The following UNC13C variants were observed in gnomAD, a reference collection of about 807,000 sequenced individuals.
UNC13C encodes unc-13 homolog C.
UNC13C carries 174 observed loss-of-function variants against 245.4 expected under a neutral mutation model. The ratio of observed to expected loss-of-function variants is 0.71; its 90% CI spans 0.63 to 0.80. The LOEUF (loss-of-function observed/expected upper bound fraction) is 0.80, where lower values mean the gene tolerates loss of function less well. Among genes scored for constraint, UNC13C ranks in the 30% least tolerant of loss-of-function variants. UNC13C has a pLI of 0.00. For synonymous variants in UNC13C, 992 were observed against 895.1 expected, an observed-to-expected ratio of 1.11 and a Z score of -1.93; for missense variants, 2,829 against 2,602.9, an observed-to-expected ratio of 1.09 and a Z score of -1.89.
chr15:54,293,866 G>T (rs765629944), intron 10 of UNC13C, 29 bp from the exon 11 acceptor site: 1 of 1,495,476 alleles, frequency 6.7e-7, no homozygotes, highest in Non-Finnish European at 8.9e-7. Context: ...GTTTTCAATT[G>T]TTGTTAACTT....
At chr15:54,445,366 G>A (rs1254593825) in intron 19 of UNC13C, among the ~76,000 whole-genome samples, 3 of 149,874 alleles carry the variant, frequency 2.0e-5, no homozygotes, top group Non-Finnish European at 3.0e-5. Flanking sequence ...GTATTTCTAG[G>A]GAATGGGCAC....
chr15:54,103,494 T>G (rs1900271727), intron 2 of UNC13C, among the ~76,000 whole-genome samples: 1 of 152,244 alleles, frequency 6.6e-6, no homozygotes, highest in Non-Finnish European at 1.5e-5. Context: ...TTAACTTTTC[T>G]GAAAACACAA....
chr15:54,305,761 C>G (rs146773870), intron 13 of UNC13C, among the ~76,000 whole-genome samples: 1 of 151,986 alleles, frequency 6.6e-6, no homozygotes, highest in Non-Finnish European at 1.5e-5. Flanking sequence ...GAAATGCTGT[C>G]TTTTCTCTAT....
intron 4 of UNC13C, among the ~76,000 whole-genome samples, chr15:54,221,826 G>C (rs892728275): frequency 1.3e-5 from 2 of 152,094 alleles, no homozygotes; most frequent in Non-Finnish European, 2.9e-5. Context: ...AAAATAGCCA[G>C]TCTGTGAATA....
chr15:54,153,048 C>T (rs1457699912), intron 4 of UNC13C, among the ~76,000 whole-genome samples: 5 of 151,986 alleles, frequency 3.3e-5, no homozygotes, highest in African/African-American at 1.2e-4. Flanking sequence ...AAAATGTGTG[C>T]TGCTGCTGCT....
chr15:54,113,255 A>G (rs2029953706), intron 2 of UNC13C, among the ~76,000 whole-genome samples: 1 of 152,194 alleles, frequency 6.6e-6, no homozygotes, highest in Non-Finnish European at 1.5e-5. Context: ...AAAAGAAAGA[A>G]TGCTACTGCA....
At chr15:54,427,762 G>A (rs2040788470) in intron 19 of UNC13C, among the ~76,000 whole-genome samples, 1 of 151,678 alleles carries the variant, frequency 6.6e-6, no homozygotes, top group Non-Finnish European at 1.5e-5. Flanking sequence ...AGTCATAAAT[G>A]TTCTCGACTT....
intron 27 of UNC13C, among the ~76,000 whole-genome samples, chr15:54,547,063 AC>A (rs1325389742): frequency 4.6e-5 from 7 of 152,218 alleles, no homozygotes; most frequent in African/African-American, 1.7e-4. Flanking sequence ...GACAGTCAGA[AC>A]TTAACCTCTT....
chr15:54,100,477 G>C (rs932689786), intron 2 of UNC13C, among the ~76,000 whole-genome samples: 12 of 151,898 alleles, frequency 7.9e-5, no homozygotes, highest in Admixed American at 4.6e-4. Flanking sequence ...CTAAATTTTG[G>C]GGCATTTCAG....
intron 4 of UNC13C, among the ~76,000 whole-genome samples, chr15:54,226,016 A>T (rs563453792): frequency 6.6e-6 from 1 of 152,302 alleles, no homozygotes; most frequent in Admixed American, 6.5e-5. Flanking sequence ...TTTAACATGA[A>T]GAGATGTTGA....
At chr15:54,531,609 TGAA>T (rs1895737371) in intron 25 of UNC13C, among the ~76,000 whole-genome samples, 2 of 151,200 alleles carry the variant, frequency 1.3e-5, no homozygotes, top group Admixed American at 6.6e-5. Flanking sequence ...AGAATCCAAA[TGAA>T]GAAGGTGTAT....
At chr15:54,076,127 C>G (rs573088473) in intron 2 of UNC13C, among the ~76,000 whole-genome samples, 1 of 123,496 alleles carries the variant, frequency 8.1e-6, no homozygotes, top group East Asian at 2.5e-4. Context: ...TTTTATTATA[C>G]TTTAAGTTTT....
chr15:54,598,708 CCT>C (rs1229502609), intron 30 of UNC13C, among the ~76,000 whole-genome samples: 6 of 150,682 alleles, frequency 4.0e-5, no homozygotes, highest in African/African-American at 1.4e-4. Flanking sequence ...CTCAATTTTC[CCT>C]CTTTTTAAAA....
intron 26 of UNC13C, among the ~76,000 whole-genome samples, chr15:54,545,686 G>A (rs997879332): frequency 6.6e-6 from 1 of 151,998 alleles, no homozygotes; most frequent in Admixed American, 6.6e-5. Context: ...ACATTTATGC[G>A]GCTAACAAAC....
chr15:53,979,573 C>T (rs1302905386), intron 1 of UNC13C, among the ~76,000 whole-genome samples: 1 of 152,044 alleles, frequency 6.6e-6, no homozygotes, highest in African/African-American at 2.4e-5. Context: ...ATGAGTAAAC[C>T]CTAACTTCTG....
intron 4 of UNC13C, among the ~76,000 whole-genome samples, chr15:54,175,074 A>G (rs1311754122): frequency 1.3e-4 from 19 of 151,730 alleles, no homozygotes; most frequent in Admixed American, 1.2e-3. Flanking sequence ...ATCTTTCTCA[A>G]CTCCTTAATT....
intron 17 of UNC13C, among the ~76,000 whole-genome samples, chr15:54,343,739 C>T (rs899947499): frequency 6.6e-6 from 1 of 152,112 alleles, no homozygotes. Context: ...ACAATAGTTA[C>T]ACAGGAAGGC....
chr15:53,935,605 T>G, the UNC13C span, among the ~76,000 whole-genome samples: 108 of 152,270 alleles, frequency 7.1e-4, no homozygotes, highest in African/African-American at 2.5e-3. Flanking sequence ...TTCCATATCT[T>G]CAACTGAGGT....
chr15:54,114,194 A>C (rs1307625561), intron 2 of UNC13C, among the ~76,000 whole-genome samples: 1 of 152,190 alleles, frequency 6.6e-6, no homozygotes, highest in Admixed American at 6.5e-5. Context: ...CTGCAGTCTT[A>C]AGGACACCCT....
Sources: gnomAD v4.1 joint callset for allele counts (sites outside exome capture counted in the v4.1 genomes callset) on GRCh38, gnomAD v4.1.1 for gene constraint, MANE v1.5 for transcripts, NCBI Gene and HGNC (gene_info 2026-07-23, HGNC 2026-07-21) for gene names.